Variants in VSNL1 observed in about 807,000 individuals in gnomAD.
The protein encoded by VSNL1 is visinin like 1, also known as visinin-like protein 1.
A neutral mutation model predicts 20.4 loss-of-function variants in VSNL1; 6 were observed. That is an observed-to-expected ratio of 0.29 (90% CI 0.16 to 0.58). The LOEUF (loss-of-function observed/expected upper bound fraction) is 0.58. Ranked by LOEUF, VSNL1 falls within the 20% of genes least tolerant of loss-of-function variation. The pLI is 0.90. For synonymous variants in VSNL1, 93 were observed against 86.4 expected (o/e 1.08, Z -0.42); for missense variants, 100 against 234.5 (o/e 0.43, Z 3.75).
At chr2:17,569,523 C>T (rs1664032342) in intron 1 of VSNL1, among the ~76,000 whole-genome samples, 1 of 151,822 alleles carries the variant, frequency 6.6e-6, no homozygotes, top group Non-Finnish European at 1.5e-5. Context: ...AATAGCTTCT[C>T]ATTATTAGAA....
intron 2 of VSNL1, among the ~76,000 whole-genome samples, chr2:17,622,663 T>TA (rs1276975064): frequency 6.6e-6 from 1 of 152,124 alleles, no homozygotes; most frequent in Non-Finnish European, 1.5e-5. Context: ...TTAGCTCAGC[T>TA]AAAACCAGGC....
At chr2:17,607,201 A>C (rs1664963520) in intron 2 of VSNL1, among the ~76,000 whole-genome samples, 1 of 152,170 alleles carries the variant, frequency 6.6e-6, no homozygotes, top group South Asian at 2.1e-4. Context: ...GGAGGCCCTG[A>C]ACTTGGTGAG....
intron 2 of VSNL1, among the ~76,000 whole-genome samples, chr2:17,623,686 A>T (rs1328034337): frequency 4.6e-5 from 7 of 151,926 alleles, no homozygotes; most frequent in Non-Finnish European, 7.4e-5. Flanking sequence ...AAAAAAAAAA[A>T]AAAAAATCAG....
intron 1 of VSNL1, among the ~76,000 whole-genome samples, chr2:17,576,286 G>T (rs1664212463): frequency 6.6e-6 from 1 of 152,134 alleles, no homozygotes; most frequent in Admixed American, 6.5e-5. Context: ...CTCAGTTAAT[G>T]TGCCATGATT....
intron 1 of VSNL1, among the ~76,000 whole-genome samples, chr2:17,579,024 A>T (rs1317309012): frequency 6.6e-6 from 1 of 152,176 alleles, no homozygotes; most frequent in Non-Finnish European, 1.5e-5. Flanking sequence ...CCTCATCAAC[A>T]AGTGTGTTTT....
chr2:17,554,808 A>G (rs1364222652), intron 1 of VSNL1, among the ~76,000 whole-genome samples: 2 of 152,218 alleles, frequency 1.3e-5, no homozygotes, highest in Admixed American at 6.5e-5. Flanking sequence ...TTACTAAGTT[A>G]TATTTTCCTC....
rs139902652 is a variant in VSNL1 at position 17,634,271 on chromosome 2, A to T, written c.163-15139A>T. On this transcript the variant is annotated intron_variant, in intron 2 of 3. Transcript: ENST00000295156. This position sits in a 1 kb window ranked among gnomAD's most constrained non-coding sequence, Gnocchi z 4.3. ...CTCAGAAGGACCCCACACTTGGCTT[A>T]CTGCTCTGCTGCTGCCATCTTGATT... Among the ~76,000 whole-genome samples the T allele has an allele frequency of 1.1e-3, 162 of 152,304 alleles. No individual in the cohort carries two copies. The highest frequency in any genetic ancestry group is 1.5e-3 in the Non-Finnish European group (102 of 68,018).
chr2:17,554,378 G>T (rs1283996548), intron 1 of VSNL1, among the ~76,000 whole-genome samples: 2 of 152,138 alleles, frequency 1.3e-5, no homozygotes, highest in African/African-American at 4.8e-5. Flanking sequence ...TCATTTATTT[G>T]AATTTGTTTC....
At chr2:17,542,182 T>C (rs2103331724) in intron 1 of VSNL1, among the ~76,000 whole-genome samples, 1 of 150,992 alleles carries the variant, frequency 6.6e-6, no homozygotes, top group Non-Finnish European at 1.5e-5. Flanking sequence ...ACCCCCACTA[T>C]CATTTAAACT....
At chr2:17,644,141 TGGGG>T (rs1370309663) in intron 2 of VSNL1, among the ~76,000 whole-genome samples, 1 of 151,306 alleles carries the variant, frequency 6.6e-6, no homozygotes, top group Admixed American at 6.6e-5. Flanking sequence ...ACCACTACAA[TGGGG>T]TCCTATTCCT....
At chr2:17,607,721 A>G (rs1664979418) in intron 2 of VSNL1, among the ~76,000 whole-genome samples, 1 of 152,244 alleles carries the variant, frequency 6.6e-6, no homozygotes, top group Non-Finnish European at 1.5e-5. Context: ...CCAGCAATCA[A>G]TAACAAAAAT....
At chr2:17,648,634 C>G (rs1666052736) in intron 2 of VSNL1, among the ~76,000 whole-genome samples, 1 of 152,204 alleles carries the variant, frequency 6.6e-6, no homozygotes, top group African/African-American at 2.4e-5. Context: ...GAACTACCTG[C>G]TGTTTGTGAC....
Position 17,651,926 on chromosome 2 carries a change from G to A in VSNL1, c.378+2301G>A, listed in dbSNP as rs541158371. Among the ~76,000 whole-genome samples, 26 of 152,286 alleles carry A rather than the reference G, an allele frequency of 1.7e-4. No homozygotes were observed. The South Asian group carries it at 5.4e-3, about 32-fold the overall frequency. On this transcript the variant is annotated intron_variant, in intron 3 of 3. Coordinates refer to ENST00000295156, the MANE Select transcript of VSNL1 (RefSeq NM_003385.5). Reference sequence around the variant, plus strand: ...AGAGTGCTGAGATTAGTTTTGACAGGCAGGTAAGTTATATGTAAATTAGCG... The same window carrying A: ...AGAGTGCTGAGATTAGTTTTGACAGACAGGTAAGTTATATGTAAATTAGCG...
At chr2:17,651,871 G>C (rs1666129612) in intron 3 of VSNL1, among the ~76,000 whole-genome samples, 1 of 152,224 alleles carries the variant, frequency 6.6e-6, no homozygotes, top group Non-Finnish European at 1.5e-5. Flanking sequence ...TGTTGCATTA[G>C]AGTGTCTGTA....
intron 2 of VSNL1, among the ~76,000 whole-genome samples, chr2:17,618,711 A>G (rs1413517854): frequency 6.6e-6 from 1 of 152,242 alleles, no homozygotes; most frequent in Non-Finnish European, 1.5e-5. Context: ...CTAACATGTG[A>G]TAAGCACTCT....
chr2:17,635,920 T>G (rs188921961), intron 2 of VSNL1, among the ~76,000 whole-genome samples: 4 of 152,044 alleles, frequency 2.6e-5, no homozygotes, highest in Admixed American at 2.6e-4. Flanking sequence ...TGGGCCAGAG[T>G]TTGACATGGT....
intron 1 of VSNL1, among the ~76,000 whole-genome samples, chr2:17,555,522 T>A (rs1053401443): frequency 4.6e-5 from 7 of 152,174 alleles, no homozygotes; most frequent in African/African-American, 1.7e-4. Flanking sequence ...GTGGTAGTCT[T>A]CCTGAACAGT....
intron 2 of VSNL1, among the ~76,000 whole-genome samples, chr2:17,616,780 C>T (rs1284618586): frequency 6.6e-6 from 1 of 152,226 alleles, no homozygotes; most frequent in Admixed American, 6.5e-5. Flanking sequence ...GGCAGAATTT[C>T]AGAGCTATAC....
chr2:17,576,988 A>G (rs1256708160), intron 1 of VSNL1, among the ~76,000 whole-genome samples: 1 of 152,262 alleles, frequency 6.6e-6, no homozygotes, highest in Admixed American at 6.5e-5. Flanking sequence ...CAAACATCAT[A>G]GAGAGTCCTT....
Sources: allele counts gnomAD v4.1 joint callset (sites outside exome capture counted in the v4.1 genomes callset), GRCh38; gene constraint gnomAD v4.1.1; non-coding constraint Gnocchi (gnomAD v3.1); transcripts MANE v1.5; gene names NCBI Gene and HGNC (gene_info 2026-07-23, HGNC 2026-07-21).